EPB41L4A: variants seen among roughly 807,000 people sequenced by gnomAD.
EPB41L4A encodes band 4.1-like protein 4A.
Under a neutral mutation model 108.6 loss-of-function variants are expected in EPB41L4A, and 100 were observed. That is an observed-to-expected ratio of 0.92 (90% CI 0.78 to 1.09). The LOEUF is 1.09. EPB41L4A is among the 50% of genes least tolerant of loss of function. The pLI is 0.00. For synonymous variants in EPB41L4A, 319 were observed against 289.0 expected (o/e 1.10, Z -1.05); for missense variants, 1,030 against 842.7 (o/e 1.22, Z -2.75).
chr5:112,370,453 T>C (rs1331363142), intron 1 of EPB41L4A, among the ~76,000 whole-genome samples: 2 of 152,200 alleles, frequency 1.3e-5, no homozygotes, highest in Non-Finnish European at 2.9e-5. Flanking sequence ...TTTAAGCATA[T>C]GATGGTAATG....
At chr5:112,280,215 T>C (rs1752878116) in intron 3 of EPB41L4A, 57 bp downstream of exon 3, 4 of 1,477,394 alleles carry the variant, frequency 2.7e-6, no homozygotes, top group South Asian at 1.1e-5. Flanking sequence ...CAACTAATCA[T>C]GGACTTTGTC....
chr5:112,202,737 G>A (rs1762278379), intron 15 of EPB41L4A, among the ~76,000 whole-genome samples: 2 of 152,038 alleles, frequency 1.3e-5, no homozygotes, highest in African/African-American at 2.4e-5. Context: ...AAAGCTGGGG[G>A]CAAAGCTCTG....
intron 2 of EPB41L4A, among the ~76,000 whole-genome samples, chr5:112,281,172 A>C (rs1752939313): frequency 6.6e-6 from 1 of 152,242 alleles, no homozygotes; most frequent in Non-Finnish European, 1.5e-5. Flanking sequence ...CCCCTAGCTC[A>C]GGCTACACAT....
intron 9 of EPB41L4A, among the ~76,000 whole-genome samples, chr5:112,246,928 G>A (rs1426166553): frequency 1.3e-5 from 2 of 152,132 alleles, no homozygotes; most frequent in Non-Finnish European, 2.9e-5. Flanking sequence ...TTTGGAGAAA[G>A]GCATAGACCT....
At chr5:112,310,472 A>T (rs1391320656) in intron 1 of EPB41L4A, among the ~76,000 whole-genome samples, 2 of 152,174 alleles carry the variant, frequency 1.3e-5, no homozygotes, top group African/African-American at 4.8e-5. Context: ...ACTGTAATGG[A>T]TTGCTTCTAA....
At chr5:112,184,711 G>A (rs1761337558) in intron 17 of EPB41L4A, among the ~76,000 whole-genome samples, 2 of 152,184 alleles carry the variant, frequency 1.3e-5, no homozygotes, top group Admixed American at 6.5e-5. Flanking sequence ...TGTTTAAGAC[G>A]GAATGACAGT....
chr5:112,344,200 G>A (rs1757497369), intron 1 of EPB41L4A, among the ~76,000 whole-genome samples: 1 of 152,094 alleles, frequency 6.6e-6, no homozygotes, highest in Non-Finnish European at 1.5e-5. Flanking sequence ...CTACCCACAT[G>A]AGGCTATCTA....
rs1580529130 is a variant in EPB41L4A at position 112,250,273 on chromosome 5, T to C, written c.795+8956A>G. Among the ~76,000 whole-genome samples the C allele has an allele frequency of 2.6e-5, 4 of 152,320 alleles. No individual in the cohort carries two copies. In the Middle Eastern group the frequency reaches 0.01, roughly 389 times the overall value. On this transcript the variant is annotated intron_variant, in intron 9 of 22. Transcript: ENST00000261486. ...AAGGATGAATAAGTTGATTGCTTGA[T>C]AAATAATTACATACAAATATTTACA...
intron 12 of EPB41L4A, among the ~76,000 whole-genome samples, chr5:112,229,595 A>G (rs1179082618): frequency 6.6e-6 from 1 of 151,844 alleles, no homozygotes; most frequent in Non-Finnish European, 1.5e-5. Context: ...AAAGTCCATT[A>G]TATCATTCTT....
chr5:112,323,912 C>G (rs1755974893), intron 1 of EPB41L4A, among the ~76,000 whole-genome samples: 1 of 152,174 alleles, frequency 6.6e-6, no homozygotes, highest in Non-Finnish European at 1.5e-5. Context: ...GAAACTAGAG[C>G]ACAATTAAAC....
intron 19 of EPB41L4A, 152 bp downstream of exon 19, chr5:112,170,793 A>C: frequency 1.5e-6 from 1 of 677,048 alleles, no homozygotes. Flanking sequence ...TTAAGGCACC[A>C]CCACCATGTG....
intron 7 of EPB41L4A, among the ~76,000 whole-genome samples, chr5:112,261,885 AT>A (rs35793398): frequency 0.067 from 7,545 of 112,394 alleles, 175 homozygotes; most frequent in African/African-American, 0.14. Context: ...TTACACACCA[AT>A]TTTTTTTTTT....
At chr5:112,278,955 C>T (rs1240356551) in intron 3 of EPB41L4A, among the ~76,000 whole-genome samples, 2 of 148,428 alleles carry the variant, frequency 1.3e-5, no homozygotes, top group African/African-American at 5.0e-5. Flanking sequence ...ATCCCAGCTA[C>T]TTGTGAGGCT....
At chr5:112,399,187 A>T (rs1416173106) in intron 1 of EPB41L4A, among the ~76,000 whole-genome samples, 1 of 151,804 alleles carries the variant, frequency 6.6e-6, no homozygotes, top group African/African-American at 2.4e-5. Flanking sequence ...CTTATACCCC[A>T]GCCACACTGG....
chr5:112,348,203 C>G (rs1431868636), intron 1 of EPB41L4A, among the ~76,000 whole-genome samples: 1 of 152,200 alleles, frequency 6.6e-6, no homozygotes, highest in Admixed American at 6.5e-5. Context: ...ACCCAGCTTT[C>G]AAAGTCCTCC....
At chr5:112,370,067 C>T (rs1037107621) in intron 1 of EPB41L4A, among the ~76,000 whole-genome samples, 4 of 151,936 alleles carry the variant, frequency 2.6e-5, no homozygotes, top group African/African-American at 9.7e-5. Context: ...CTTTGTCACC[C>T]GGGCTAAACT....
intron 1 of EPB41L4A, among the ~76,000 whole-genome samples, chr5:112,339,482 A>ATATATCTATATCTATATC (rs1561584968): frequency 1.0e-4 from 4 of 38,592 alleles, no homozygotes; most frequent in African/African-American, 1.0e-4. Context: ...ATCTATATAT[A>ATATATCTATATCTATATC]TATATATATA....
rs143607126 is a variant in EPB41L4A at position 112,384,765 on chromosome 5, CGGAA to C, written c.99+34172_99+34175del. Among the ~76,000 whole-genome samples, 250 of 133,988 alleles carry C rather than the reference CGGAA, an allele frequency of 1.9e-3. 3 individuals carry two copies. The South Asian group carries it at 0.025, about 13-fold the overall frequency. 87.9% of individuals were successfully genotyped at this position (133,988 alleles called of 152,430 possible). A position where few individuals can be genotyped will look rare whatever the true frequency, so the allele number is the denominator to read the frequency against. On this transcript the variant is annotated intron_variant, in intron 1 of 22. Coordinates refer to ENST00000261486, the MANE Select transcript of EPB41L4A (RefSeq NM_022140.5). The stretch of plus-strand genomic sequence containing the variant: ...AGAAAGAGAAACAAGGAAAGAGAAA[CGGAA>C]GGAAGGAAGGAAGGAGAAGAAAAAA...
intron 1 of EPB41L4A, among the ~76,000 whole-genome samples, chr5:112,360,806 C>T (rs1393057257): frequency 6.6e-6 from 1 of 151,876 alleles, no homozygotes; most frequent in Non-Finnish European, 1.5e-5. Context: ...TCTGCCCGGC[C>T]GCCCATCTTC....
Sources: allele counts gnomAD v4.1 joint callset (sites outside exome capture counted in the v4.1 genomes callset), GRCh38; gene constraint gnomAD v4.1.1; transcripts MANE v1.5; gene names NCBI Gene and HGNC (gene_info 2026-07-23, HGNC 2026-07-21).